Variants in CSMD1 observed in about 807,000 individuals in gnomAD.
The protein encoded by CSMD1 is CUB and Sushi multiple domains 1.
In CSMD1, 213 loss-of-function variants were observed where a neutral mutation model predicts 417.5. The observed-to-expected ratio is 0.51, with a 90% CI of 0.46 to 0.57. The LOEUF is 0.57. Ranked by LOEUF, CSMD1 falls within the 20% of genes least tolerant of loss-of-function variation. CSMD1 has a pLI of 0.00. For missense variants in CSMD1, 6,923 were observed against 4,529.7 expected (o/e 1.53, Z -15.17); for synonymous variants, 2,862 against 1,736.8 (o/e 1.65, Z -16.11).
At chr8:3,443,263 T>G (rs1231059409) in intron 12 of CSMD1, among the ~76,000 whole-genome samples, 3 of 152,102 alleles carry the variant, frequency 2.0e-5, no homozygotes, top group Non-Finnish European at 4.4e-5. Flanking sequence ...AATAGATGGG[T>G]TGGAAGACTG....
chr8:4,606,720 G>C (rs1214375749), intron 2 of CSMD1, among the ~76,000 whole-genome samples: 1 of 152,148 alleles, frequency 6.6e-6, no homozygotes, highest in African/African-American at 2.4e-5. Flanking sequence ...CCTCCAGTTT[G>C]ATAAAGACCT....
chr8:4,186,967 G>A (rs72624078), intron 3 of CSMD1, among the ~76,000 whole-genome samples: 41,336 of 151,922 alleles, frequency 0.27, 6,732 homozygotes, highest in African/African-American at 0.46. Flanking sequence ...GGGTGACACA[G>A]CAAGATTCTG....
At chr8:3,241,458 G>A (rs956964365) in intron 26 of CSMD1, among the ~76,000 whole-genome samples, 12 of 152,304 alleles carry the variant, frequency 7.9e-5, no homozygotes, top group Non-Finnish European at 1.0e-4. Flanking sequence ...GGGCTTCCGA[G>A]GTGATCTGGC....
intron 3 of CSMD1, among the ~76,000 whole-genome samples, chr8:4,260,668 T>G (rs1215599787): frequency 6.6e-6 from 1 of 152,172 alleles, no homozygotes; most frequent in African/African-American, 2.4e-5. Flanking sequence ...ATAATTTCAG[T>G]TTTTGCGAGA....
intron 18 of CSMD1, among the ~76,000 whole-genome samples, chr8:3,380,027 G>T (rs533323672): frequency 2.0e-5 from 3 of 152,090 alleles, no homozygotes; most frequent in Non-Finnish European, 2.9e-5. Context: ...AATCTACAAA[G>T]AACTTGAACA....
chr8:3,336,428 G>T (rs140683695), intron 23 of CSMD1, among the ~76,000 whole-genome samples: 3 of 152,134 alleles, frequency 2.0e-5, no homozygotes, highest in Non-Finnish European at 4.4e-5. Flanking sequence ...AATTCATATA[G>T]CACTTGGATG....
intron 3 of CSMD1, among the ~76,000 whole-genome samples, chr8:4,245,700 G>C (rs1050086939): frequency 1.3e-5 from 2 of 151,844 alleles, no homozygotes; most frequent in Admixed American, 6.6e-5. Context: ...CCTATGTGAG[G>C]TAATTTTTTC....
At chr8:4,069,897 T>C (rs1318080866) in intron 3 of CSMD1, among the ~76,000 whole-genome samples, 1 of 151,344 alleles carries the variant, frequency 6.6e-6, no homozygotes, top group Non-Finnish European at 1.5e-5. Flanking sequence ...TTTTGTTTTG[T>C]TTTGTTTTTG....
chr8:3,235,409 A>T (rs1472321400), intron 26 of CSMD1, among the ~76,000 whole-genome samples: 2 of 152,220 alleles, frequency 1.3e-5, no homozygotes, highest in Admixed American at 1.3e-4. Flanking sequence ...TTTAACGGAT[A>T]TATCAGCCTT....
chr8:3,091,675 G>T lies in CSMD1; in HGVS notation c.7139-13C>A, dbSNP rs1203795503. The T allele has an allele frequency of 6.2e-7, 1 of 1,602,140 alleles. No individual in the cohort carries two copies. The highest frequency in any genetic ancestry group is 8.5e-7 in the Non-Finnish European group (1 of 1,176,892). The stretch of plus-strand genomic sequence containing the variant: ...TGCCCAGAAGAACCTAAGTGAAACA[G>T]AAAAACAAAAACATTCAGAGATGAG... On this transcript the variant is annotated splice_polypyrimidine_tract_variant and intron_variant, in intron 47 of 69. Transcript: ENST00000635120.
intron 5 of CSMD1, among the ~76,000 whole-genome samples, chr8:3,926,095 AC>A (rs1809677037): frequency 1.7e-5 from 1 of 58,916 alleles, no homozygotes; most frequent in African/African-American, 1.2e-4. Flanking sequence ...ACACACACAC[AC>A]ACACACACAC....
In CSMD1 at chr8:4,567,913, A is replaced by C. The variant is rs1309128043; in HGVS notation, c.302+69429T>G. Among the ~76,000 whole-genome samples, 4 of 152,212 alleles carry C rather than the reference A, an allele frequency of 2.6e-5. No individual in the cohort carries two copies. The East Asian group carries it at 7.7e-4, about 29-fold the overall frequency. On this transcript the variant is annotated intron_variant, in intron 2 of 69. Coordinates refer to ENST00000635120, the MANE Select transcript of CSMD1 (RefSeq NM_033225.6). ...CATTTTTTAATGAGTTCACTTAATCAATGACCTGAAATTGCACTTTCTGTC... is the reference window on the plus strand; with the variant it reads ...CATTTTTTAATGAGTTCACTTAATCCATGACCTGAAATTGCACTTTCTGTC...
At chr8:4,216,541 C>T (rs1321209116) in intron 3 of CSMD1, among the ~76,000 whole-genome samples, 4 of 152,132 alleles carry the variant, frequency 2.6e-5, no homozygotes, top group African/African-American at 9.7e-5. Flanking sequence ...TTCTCAAGAT[C>T]AAAGAACCCG....
chr8:3,684,120 A>G (rs906776624), intron 7 of CSMD1, among the ~76,000 whole-genome samples: 1 of 107,738 alleles, frequency 9.3e-6, no homozygotes, highest in Non-Finnish European at 2.2e-5. Context: ...TATATAATAT[A>G]TAATTTATAT....
chr8:3,217,195 C>T (rs1046411378), intron 29 of CSMD1, among the ~76,000 whole-genome samples: 1 of 151,758 alleles, frequency 6.6e-6, no homozygotes. Context: ...TCGTGGGCTG[C>T]ATGCAATGGC....
At chr8:4,750,554 G>C (rs1366295475) in intron 1 of CSMD1, among the ~76,000 whole-genome samples, 5 of 152,012 alleles carry the variant, frequency 3.3e-5, no homozygotes, top group African/African-American at 7.2e-5. Context: ...TATCAGCATA[G>C]GTCAGATCTT....
At chr8:3,030,580 G>A (rs1443531665) in intron 50 of CSMD1, among the ~76,000 whole-genome samples, 10 of 152,086 alleles carry the variant, frequency 6.6e-5, no homozygotes, top group Non-Finnish European at 1.0e-4. Flanking sequence ...GGGTTCAAGC[G>A]ATTCTCCTGC....
intron 5 of CSMD1, among the ~76,000 whole-genome samples, chr8:3,800,304 G>T (rs991832084): frequency 6.6e-6 from 1 of 151,958 alleles, no homozygotes; most frequent in Non-Finnish European, 1.5e-5. Context: ...AGTTATACTG[G>T]GCAAATCACA....
intron 3 of CSMD1, among the ~76,000 whole-genome samples, chr8:4,211,960 A>G (rs900866001): frequency 1.3e-5 from 2 of 152,174 alleles, no homozygotes; most frequent in African/African-American, 4.8e-5. Context: ...TTCCTATCTT[A>G]GAGACATTTT....
Sources: gnomAD v4.1 joint callset for allele counts (sites outside exome capture counted in the v4.1 genomes callset) on GRCh38, gnomAD v4.1.1 for gene constraint, MANE v1.5 for transcripts, NCBI Gene and HGNC (gene_info 2026-07-23, HGNC 2026-07-21) for gene names.